Variants in CCDC148 observed in about 807,000 individuals in gnomAD.
The protein encoded by CCDC148 is coiled-coil domain-containing protein 148.
CCDC148 carries 89 observed loss-of-function variants against 85.7 expected under a neutral mutation model. The observed-to-expected ratio is 1.04, with a 90% CI of 0.87 to 1.24. CCDC148 has a LOEUF of 1.24. CCDC148 is among the 50% of genes most tolerant of loss of function. The pLI is 0.00. For synonymous variants in CCDC148, 230 were observed against 213.9 expected (o/e 1.08, Z -0.66); for missense variants, 692 against 671.7 (o/e 1.03, Z -0.33).
intron 2 of CCDC148, among the ~76,000 whole-genome samples, chr2:158,346,141 A>G (rs185507028): frequency 6.6e-6 from 1 of 152,286 alleles, no homozygotes; most frequent in East Asian, 1.9e-4. Context: ...TGTTTGTCTT[A>G]GATCCATTTC....
chr2:158,412,862 ATTATT>A (rs1559128184), intron 1 of CCDC148, among the ~76,000 whole-genome samples: 1 of 132,202 alleles, frequency 7.6e-6, no homozygotes, highest in South Asian at 2.3e-4. Context: ...TATTATTATT[ATTATT>A]ATACTTTAAG....
At chr2:158,387,087 A>G (rs1287427198) in intron 1 of CCDC148, among the ~76,000 whole-genome samples, 2 of 152,072 alleles carry the variant, frequency 1.3e-5, no homozygotes, top group Non-Finnish European at 2.9e-5. Context: ...TTCTGTCACA[A>G]CATAATTTTC....
At chr2:158,220,984 A>G (rs1687152146) in intron 10 of CCDC148, among the ~76,000 whole-genome samples, 1 of 152,250 alleles carries the variant, frequency 6.6e-6, no homozygotes, top group South Asian at 2.1e-4. Flanking sequence ...ATCTATGGCT[A>G]AAATAATCAA....
intron 9 of CCDC148, among the ~76,000 whole-genome samples, chr2:158,256,845 AGC>A (rs1689032450): frequency 6.6e-6 from 1 of 151,690 alleles, no homozygotes; most frequent in African/African-American, 2.4e-5. Flanking sequence ...CTACTTCTCT[AGC>A]ACATTGTCCC....
chr2:158,454,228 G>A (rs1002021478), intron 1 of CCDC148, among the ~76,000 whole-genome samples: 1 of 152,204 alleles, frequency 6.6e-6, no homozygotes, highest in Non-Finnish European at 1.5e-5. Flanking sequence ...CAGTTTCTTG[G>A]TGAAAAGAAA....
intron 2 of CCDC148, among the ~76,000 whole-genome samples, chr2:158,351,389 G>A (rs1323256477): frequency 2.0e-5 from 3 of 152,192 alleles, no homozygotes; most frequent in African/African-American, 4.8e-5. Context: ...CAACGTGCGC[G>A]AGCCGAAGCA....
At chr2:158,406,914 C>T (rs560044056) in intron 1 of CCDC148, among the ~76,000 whole-genome samples, 88 of 152,164 alleles carry the variant, frequency 5.8e-4, no homozygotes, top group Admixed American at 3.9e-4. Flanking sequence ...TGAGCCACCA[C>T]GCTCAGCCTG....
At chr2:158,366,049 T>C (rs13401538) in intron 1 of CCDC148, 76,195 of 1,540,712 alleles carry the variant, frequency 0.049, 4,664 homozygotes, top group African/African-American at 0.3. Flanking sequence ...CATGAATGGT[T>C]GGTCTCTTTG....
At chr2:158,215,014 T>C (rs573565713) in intron 11 of CCDC148, among the ~76,000 whole-genome samples, 1 of 152,308 alleles carries the variant, frequency 6.6e-6, no homozygotes, top group South Asian at 2.1e-4. Context: ...TGAACACTTG[T>C]TCTACTAGAT....
chr2:158,178,484 G>A (rs1684705068), intron 12 of CCDC148, among the ~76,000 whole-genome samples: 1 of 152,104 alleles, frequency 6.6e-6, no homozygotes, highest in Admixed American at 6.6e-5. Context: ...ACTGTGGGAT[G>A]TTTCCAAAGG....
chr2:158,234,296 A>T (rs1687995928), intron 10 of CCDC148, among the ~76,000 whole-genome samples: 1 of 152,150 alleles, frequency 6.6e-6, no homozygotes, highest in Non-Finnish European at 1.5e-5. Context: ...ATAGAAAGTC[A>T]ATTTGGCAAC....
chr2:158,335,862 C>T (rs1682347793), intron 7 of CCDC148, among the ~76,000 whole-genome samples: 1 of 152,124 alleles, frequency 6.6e-6, no homozygotes, highest in Admixed American at 6.6e-5. Flanking sequence ...CTGACTGGTA[C>T]ATACTCCCAA....
rs771853993 is a variant in CCDC148, at chr2:158,179,004, A to AATAACAC, written c.1371-15_1371-9dup. On this transcript the variant is annotated splice_polypyrimidine_tract_variant and intron_variant, in intron 11 of 13. Coordinates refer to ENST00000283233, the MANE Select transcript of CCDC148 (RefSeq NM_138803.4). ...TCTTGTCTATATTTAACCCTTTAAA[A>AATAACAC]ATAACACAGAAGGAAGTTGTGGAAG... 9 of 1,589,200 alleles carry AATAACAC rather than the reference A, an allele frequency of 5.7e-6. No individual in the cohort carries two copies. The highest frequency in any genetic ancestry group is 1.3e-5 in the African/African-American group (1 of 74,450).
rs879428742 is a variant in CCDC148, at chr2:158,285,697, AT to A, written c.1110+23735del. 3.6e-3 allele frequency among the ~76,000 whole-genome samples: 527 copies of A among 144,806 alleles called. 3 individuals are homozygous for A. Among genetic ancestry groups the A allele is most frequent in the African/African-American group, 0.01 (401 of 39,760 alleles). 95.0% of individuals were successfully genotyped at this position (144,806 alleles called of 152,430 possible). ...AGGCGCCCACCACCACGCCCGGCTA[AT>A]TTTTTTTTTTTGTATTTTTAGTAGA... On this transcript the variant is annotated intron_variant, in intron 9 of 13. Transcript: ENST00000283233.
At chr2:158,418,826 T>C (rs1413888050) in intron 1 of CCDC148, among the ~76,000 whole-genome samples, 1 of 152,134 alleles carries the variant, frequency 6.6e-6, no homozygotes, top group Non-Finnish European at 1.5e-5. Context: ...GCCTGGCATA[T>C]AGGAAGCATA....
chr2:158,362,349 C>T (rs1394200817), intron 1 of CCDC148, among the ~76,000 whole-genome samples: 1 of 152,160 alleles, frequency 6.6e-6, no homozygotes, highest in African/African-American at 2.4e-5. Flanking sequence ...AACTCTCCAC[C>T]CCAAATCAAC....
At chr2:158,372,128 C>T (rs1031144258) in intron 1 of CCDC148, among the ~76,000 whole-genome samples, 1 of 151,998 alleles carries the variant, frequency 6.6e-6, no homozygotes, top group Non-Finnish European at 1.5e-5. Context: ...AGTGGAGCCT[C>T]TCATGCCCTT....
intron 9 of CCDC148, among the ~76,000 whole-genome samples, chr2:158,278,518 G>A (rs990177680): frequency 1.3e-5 from 2 of 152,164 alleles, no homozygotes; most frequent in African/African-American, 2.4e-5. Flanking sequence ...GGAGTCTCAC[G>A]GATTGCTAGC....
rs574622697 is a variant in CCDC148, at chr2:158,322,978, T to C, written c.765-9084A>G. Among the ~76,000 whole-genome samples the C allele has an allele frequency of 3.0e-3, 452 of 152,298 alleles. 1 individual carries two copies. Among genetic ancestry groups the C allele is most frequent in the Non-Finnish European group, 4.0e-3 (271 of 68,010 alleles). On this transcript the variant is annotated intron_variant, in intron 7 of 13. Transcript: ENST00000283233. The stretch of plus-strand genomic sequence containing the variant: ...AGCTAAATGGAGCATCAGACAATTA[T>C]GTCTCATCTATATGGTTAATTCATC...
Sources: gnomAD v4.1 joint callset for allele counts (sites outside exome capture counted in the v4.1 genomes callset) on GRCh38, gnomAD v4.1.1 for gene constraint, MANE v1.5 for transcripts, NCBI Gene and HGNC (gene_info 2026-07-23, HGNC 2026-07-21) for gene names.